Variants in EPM2A observed in about 807,000 individuals in gnomAD.
EPM2A encodes EPM2A glucan phosphatase, laforin.
EPM2A carries 21 observed loss-of-function variants against 26.5 expected under a neutral mutation model. That is an observed-to-expected ratio of 0.79 (90% CI 0.56 to 1.14). The LOEUF (loss-of-function observed/expected upper bound fraction) is 1.14, where lower values mean the gene tolerates loss of function less well. Ranked by LOEUF, EPM2A falls within the 50% of genes most tolerant of loss-of-function variation. The probability of loss-of-function intolerance (pLI) is 0.00; values close to 1 mark genes in which losing one functional copy is unlikely to be tolerated. For synonymous variants in EPM2A, 217 were observed against 177.6 expected (o/e 1.22, Z -1.76); for missense variants, 458 against 440.8 (o/e 1.04, Z -0.35).
At chr6:145,464,102 C>G (rs1166004716) in intron 4 of EPM2A, among the ~76,000 whole-genome samples, 1 of 152,046 alleles carries the variant, frequency 6.6e-6, no homozygotes, top group South Asian at 2.1e-4. Flanking sequence ...CACCTGTAAT[C>G]CCAACATATC....
chr6:145,717,814 T>C (rs1201598422), intron 1 of EPM2A, among the ~76,000 whole-genome samples: 1 of 151,022 alleles, frequency 6.6e-6, no homozygotes, highest in Non-Finnish European at 1.5e-5. Context: ...AGCATTCTTA[T>C]ACACCAATAA....
chr6:145,467,644 A>T (rs1186197298), intron 4 of EPM2A, among the ~76,000 whole-genome samples: 1 of 152,138 alleles, frequency 6.6e-6, no homozygotes, highest in East Asian at 1.9e-4. Flanking sequence ...TTCTTTTAAG[A>T]TTTTATATGG....
At position 145,643,223 on chromosome 6, in the gene EPM2A, A is replaced by C. The variant is rs983433779; in HGVS notation, c.477-7737T>G. ...AATCTAAATTTTCTTAATCAGGTCTACTCTCAATAAAACTAATATCTACAA... is the reference window on the plus strand; with the variant it reads ...AATCTAAATTTTCTTAATCAGGTCTCCTCTCAATAAAACTAATATCTACAA... On this transcript the variant is annotated intron_variant, in intron 2 of 3. Coordinates refer to ENST00000367519, the MANE Select transcript of EPM2A (RefSeq NM_005670.4). 1.2e-4 allele frequency among the ~76,000 whole-genome samples: 18 copies of C among 152,254 alleles called. No individual in the cohort carries two copies. The East Asian group carries it at 3.1e-3, about 26-fold the overall frequency.
At chr6:145,657,396 A>AT (rs1276244100) in intron 2 of EPM2A, among the ~76,000 whole-genome samples, 1 of 151,990 alleles carries the variant, frequency 6.6e-6, no homozygotes, top group African/African-American at 2.4e-5. Context: ...GCCTTTTCCT[A>AT]TTTTTTATTT....
chr6:145,415,817 T>G (rs1778700414), intron 4 of EPM2A, among the ~76,000 whole-genome samples: 1 of 152,210 alleles, frequency 6.6e-6, no homozygotes, highest in Admixed American at 6.5e-5. Context: ...CAGAGAGAAC[T>G]GCATCCCCCG....
At chr6:145,442,552 G>A (rs981470371) in intron 4 of EPM2A, among the ~76,000 whole-genome samples, 1 of 151,240 alleles carries the variant, frequency 6.6e-6, no homozygotes, top group African/African-American at 2.4e-5. Context: ...AGAACAGTAT[G>A]GGGGAAACTG....
intron 4 of EPM2A, among the ~76,000 whole-genome samples, chr6:145,393,283 A>T (rs2114659559): frequency 6.6e-6 from 1 of 152,298 alleles, no homozygotes; most frequent in East Asian, 1.9e-4. Context: ...CTACACATTA[A>T]GCAGAATCAG....
intron 2 of EPM2A, among the ~76,000 whole-genome samples, chr6:145,657,918 C>G (rs1010081851): frequency 6.6e-6 from 1 of 152,152 alleles, no homozygotes; most frequent in African/African-American, 2.4e-5. Flanking sequence ...TCAACTTTGT[C>G]CTAAAGTGAT....
At chr6:145,411,689 C>G (rs569934790) in intron 4 of EPM2A, among the ~76,000 whole-genome samples, 2 of 152,228 alleles carry the variant, frequency 1.3e-5, no homozygotes, top group South Asian at 4.1e-4. Flanking sequence ...CATTAACCAG[C>G]TACAAAAATC....
At chr6:145,612,874 T>C (rs1273506320) in intron 2 of EPM2A, among the ~76,000 whole-genome samples, 1 of 152,016 alleles carries the variant, frequency 6.6e-6, no homozygotes, top group African/African-American at 2.4e-5. Flanking sequence ...TCAATGTTGA[T>C]GGCACTGACT....
At chr6:145,684,616 T>A (rs1780777132) in intron 2 of EPM2A, 1 of 152,220 alleles carries the variant, frequency 6.6e-6, no homozygotes, top group African/African-American at 2.4e-5. Context: ...ATGCTATCTA[T>A]GTCTTGATAA....
chr6:145,505,344 T>C (rs1031541405), intron 2 of EPM2A, among the ~76,000 whole-genome samples: 18 of 152,050 alleles, frequency 1.2e-4, no homozygotes, highest in Non-Finnish European at 1.9e-4. Flanking sequence ...CTCCTAACAG[T>C]TAACATTTTC....
intron 2 of EPM2A, among the ~76,000 whole-genome samples, chr6:145,672,569 C>G (rs1779725781): frequency 6.6e-6 from 1 of 152,192 alleles, no homozygotes; most frequent in South Asian, 2.1e-4. Context: ...GTTTAAGAAG[C>G]AGCCAGATGC....
chr6:145,603,842 T>A (rs1304261317), intron 2 of EPM2A, among the ~76,000 whole-genome samples: 1 of 152,214 alleles, frequency 6.6e-6, no homozygotes, highest in Admixed American at 6.5e-5. Flanking sequence ...GAATCCCAAA[T>A]GGCTTACTTA....
At chr6:145,527,236 G>A (rs1780288098) in intron 2 of EPM2A, among the ~76,000 whole-genome samples, 1 of 152,054 alleles carries the variant, frequency 6.6e-6, no homozygotes, top group Admixed American at 6.6e-5. Context: ...TACGTTCCAT[G>A]TGCAGATGAG....
intron 1 of EPM2A, chr6:145,721,815 T>C (rs909508376): frequency 1.3e-5 from 2 of 152,230 alleles, no homozygotes; most frequent in African/African-American, 2.4e-5. Context: ...GTTATACTAG[T>C]TTAAGCTTAT....
At chr6:145,553,031 C>T (rs1780676840) in intron 2 of EPM2A, among the ~76,000 whole-genome samples, 1 of 152,034 alleles carries the variant, frequency 6.6e-6, no homozygotes, top group African/African-American at 2.4e-5. Context: ...TCCCCATAAT[C>T]CCCACGTGTC....
chr6:145,416,259 T>TA (rs1778706604), intron 4 of EPM2A, among the ~76,000 whole-genome samples: 2 of 151,914 alleles, frequency 1.3e-5, no homozygotes, highest in South Asian at 4.2e-4. Flanking sequence ...AGGCTTTTTT[T>TA]TTTTTAATGC....
chr6:145,474,861 T>G (rs1441162298), intron 4 of EPM2A, among the ~76,000 whole-genome samples: 2 of 151,914 alleles, frequency 1.3e-5, no homozygotes, highest in African/African-American at 4.8e-5. Context: ...CAACAAAATA[T>G]GAAAAAAAGC....
Sources: gnomAD v4.1 joint callset for allele counts (sites outside exome capture counted in the v4.1 genomes callset) on GRCh38, gnomAD v4.1.1 for gene constraint, MANE v1.5 for transcripts, NCBI Gene and HGNC (gene_info 2026-07-23, HGNC 2026-07-21) for gene names.